The following TERT variants were observed in gnomAD, a reference collection of about 807,000 sequenced individuals.
The protein encoded by TERT is telomerase reverse transcriptase, also known as telomerase catalytic subunit.
A neutral mutation model predicts 104.0 loss-of-function variants in TERT; 42 were observed. That is an observed-to-expected ratio of 0.40 (90% CI 0.32 to 0.52). The LOEUF (loss-of-function observed/expected upper bound fraction) is 0.52. Among genes scored for constraint, TERT ranks in the 20% least tolerant of loss-of-function variants. TERT has a pLI of 0.43. For missense variants in TERT, 1,101 were observed against 1,610.3 expected, an observed-to-expected ratio of 0.68 and a Z score of 5.41; for synonymous variants, 781 against 725.6, an observed-to-expected ratio of 1.08 and a Z score of -1.23.
chr5:1,282,069 CAG>C (rs1240761289), intron 3 of TERT, among the ~76,000 whole-genome samples: 3 of 151,306 alleles, frequency 2.0e-5, no homozygotes, highest in Non-Finnish European at 4.4e-5. Flanking sequence ...GCCTGGGCAA[CAG>C]AGTGAGACTC....
intron 9 of TERT, among the ~76,000 whole-genome samples, chr5:1,267,666 G>A (rs976317733): frequency 1.3e-5 from 2 of 152,170 alleles, no homozygotes; most frequent in African/African-American, 4.8e-5. Context: ...AAAAAAGGAT[G>A]AGTTCATGTC....
chr5:1,277,087 C>T (rs1749650914), intron 6 of TERT, among the ~76,000 whole-genome samples: 1 of 152,222 alleles, frequency 6.6e-6, no homozygotes, highest in Admixed American at 6.5e-5. Context: ...CCGGGGCGGC[C>T]AGCACGGGAA....
At position 1,271,344 on chromosome 5, in the gene TERT, C is replaced by T. The variant is rs545946051; in HGVS notation, c.2383-140G>A. On this transcript the variant is annotated intron_variant, in intron 7 of 15. Transcript: ENST00000310581. Reference sequence around the variant, plus strand: ...GGGCTGGGCTGGAATGCAGGGCCATCGTGGGCTGGCCGGGCCGAGTCTCTG... The same window carrying T: ...GGGCTGGGCTGGAATGCAGGGCCATTGTGGGCTGGCCGGGCCGAGTCTCTG... 212 of 722,620 alleles carry T rather than the reference C, an allele frequency of 2.9e-4. No individual in the cohort carries two copies. In the Middle Eastern group the frequency reaches 6.7e-3, roughly 23 times the overall value. 44.8% of individuals were successfully genotyped at this position (722,620 alleles called of 1,614,324 possible). A position where few individuals can be genotyped will look rare whatever the true frequency, so the allele number is the denominator to read the frequency against.
At chr5:1,281,337 C>T (rs1305521688) in intron 3 of TERT, among the ~76,000 whole-genome samples, 2 of 152,188 alleles carry the variant, frequency 1.3e-5, no homozygotes, top group African/African-American at 2.4e-5. Flanking sequence ...TTACCTCTGA[C>T]GAGGTCTGCT....
rs144665904 is a variant in TERT, at chr5:1,262,337, G to A, written c.2844-1737C>T. ...CACGTTTCTGAGAGATAGGGCTTCC[G>A]TTTTGTTCTATTGTTCTGTCCATCA... is the stretch of plus-strand genomic sequence containing the variant. On this transcript the variant is annotated intron_variant, in intron 11 of 15. Transcript: ENST00000310581. The surrounding 1 kb of genome is among the most constrained non-coding windows in gnomAD (Gnocchi z 5.6). 4.6e-4 allele frequency among the ~76,000 whole-genome samples: 70 copies of A among 152,260 alleles called. No individual in the cohort carries two copies. Among genetic ancestry groups the A allele is most frequent in the African/African-American group, 1.6e-3 (67 of 41,550 alleles).
chr5:1,293,701 C>A lies in TERT; in HGVS notation c.1185G>T (p.Glu395Asp), dbSNP rs1579596881. The change falls in exon 2 of 16, where the codon GAG (glutamate) becomes GAT (aspartate). Residue 395 changes from glutamate (E) to aspartate (D), a missense_variant. Physicochemically the swap from Glu to Asp is conservative, Grantham distance 45. Coordinates refer to ENST00000310581, the MANE Select transcript of TERT (RefSeq NM_198253.3). ...RYWQMRPLFL[E>D]LLGNHAQCPY... is the part of the protein sequence containing the mutation. Reference sequence around the variant, plus strand: ...GGCACTGCGCGTGGTTCCCAAGCAGCTCCAGAAACAGGGGCCGCATTTGCC... The same window carrying A: ...GGCACTGCGCGTGGTTCCCAAGCAGATCCAGAAACAGGGGCCGCATTTGCC... 2 of 1,575,014 alleles carry A rather than the reference C, an allele frequency of 1.3e-6. No individual in the cohort carries two copies. Among genetic ancestry groups the A allele is most frequent in the Non-Finnish European group, 1.7e-6 (2 of 1,160,966 alleles).
In TERT at chr5:1,270,481, G is replaced by A. The variant is rs1187576402; in HGVS notation, c.2468+638C>T. Among the ~76,000 whole-genome samples, 7 of 152,296 alleles carry A rather than the reference G, an allele frequency of 4.6e-5. No individual in the cohort carries two copies. Among genetic ancestry groups the A allele is most frequent in the Admixed American group, 2.0e-4 (3 of 15,304 alleles). Reference sequence around the variant, plus strand: ...GTGTGGTTTTACTTAAAATCCAGAGGACGTGATGTGGCACCAGGCACTGTG... The same window carrying A: ...GTGTGGTTTTACTTAAAATCCAGAGAACGTGATGTGGCACCAGGCACTGTG... On this transcript the variant is annotated intron_variant, in intron 8 of 15. Coordinates refer to ENST00000310581, the MANE Select transcript of TERT (RefSeq NM_198253.3). This position sits in a 1 kb window ranked among gnomAD's most constrained non-coding sequence, Gnocchi z 8.3.
In TERT at chr5:1,282,620, A is replaced by G. The variant is rs1168123623; in HGVS notation, c.1578T>C (p.Val526=). 1.2e-6 allele frequency: 2 copies of G among 1,613,992 alleles called. No individual in the cohort carries two copies. Among genetic ancestry groups the G allele is most frequent in the Non-Finnish European group, 1.7e-6 (2 of 1,179,992 alleles). ...GGTGCTCTGCGGCCGGAACACAGCC[A>G]ACCCCTTAAACGAGAAGGACATGCC... The part of the protein sequence containing the change: ...DCAWLRRSPG[V]GCVPAAEHRL... The change falls in exon 3 of 16, where the codon GTT becomes GTC. Residue 526 remains valine, a synonymous_variant. Transcript: ENST00000310581.
At chr5:1,284,747 T>C (rs1381989813) in intron 2 of TERT, among the ~76,000 whole-genome samples, 64 of 82,140 alleles carry the variant, frequency 7.8e-4, no homozygotes, top group East Asian at 1.3e-3. Context: ...CAGGGCCTGG[T>C]GACCTCACAC....
At chr5:1,289,294 G>T (rs530118337) in intron 2 of TERT, among the ~76,000 whole-genome samples, 1 of 131,374 alleles carries the variant, frequency 7.6e-6, no homozygotes, top group Non-Finnish European at 1.6e-5. Context: ...ACCCAGGGAC[G>T]GCGCCTCACT....
At chr5:1,253,868 C>T in intron 15 of TERT, 37 bp from the exon 16 acceptor site, 2 of 1,580,012 alleles carry the variant, frequency 1.3e-6, no homozygotes, top group Non-Finnish European at 1.7e-6. Flanking sequence ...CCAGAAGAGG[C>T]CAGAGGTGGC....
chr5:1,254,745 C>T (rs900878730), intron 14 of TERT, among the ~76,000 whole-genome samples: 62 of 152,236 alleles, frequency 4.1e-4, no homozygotes, highest in African/African-American at 1.4e-3. Flanking sequence ...TTCGACATGG[C>T]TTGAATTTCA....
chr5:1,266,388 G>T, intron 10 of TERT, 76 bp downstream of exon 10: 1 of 1,274,348 alleles, frequency 7.8e-7, no homozygotes, highest in Non-Finnish European at 1.1e-6. Flanking sequence ...GCGGTGCCAG[G>T]GGCAGGACAC....
At position 1,265,123 on chromosome 5, in the gene TERT, A is replaced by T. The variant is rs1050818328; in HGVS notation, c.2655-531T>A. 6.6e-6 allele frequency among the ~76,000 whole-genome samples: 1 copy of T among 152,166 alleles called. No individual in the cohort carries two copies. Among genetic ancestry groups the T allele is most frequent in the Non-Finnish European group, 1.5e-5 (1 of 68,018 alleles). ...GCTGGGCTGTGAGCTGGGCAACACC[A>T]GTCGTCAGCTTCACGTCAAGGAGGT... On this transcript the variant is annotated intron_variant, in intron 10 of 15. Coordinates refer to ENST00000310581, the MANE Select transcript of TERT (RefSeq NM_198253.3). This position sits in a 1 kb window ranked among gnomAD's most constrained non-coding sequence, Gnocchi z 6.9.
intron 6 of TERT, among the ~76,000 whole-genome samples, chr5:1,277,188 G>A (rs1177761492): frequency 1.3e-5 from 2 of 152,166 alleles, no homozygotes; most frequent in East Asian, 1.9e-4. Flanking sequence ...CGGAGGCATC[G>A]CCCTCACAAG....
chr5:1,282,785 C>T, intron 2 of TERT, 161 bp from the exon 3 acceptor site: 1 of 710,774 alleles, frequency 1.4e-6, no homozygotes, highest in Non-Finnish European at 2.4e-6. Context: ...CCACCAAGGG[C>T]CTGGCGACCT....
chr5:1,272,435 G>A (rs1220088589), intron 6 of TERT, among the ~76,000 whole-genome samples, 155 bp from the exon 7 acceptor site: 3 of 150,448 alleles, frequency 2.0e-5, no homozygotes, highest in Non-Finnish European at 4.5e-5. Flanking sequence ...TTTGGGAAAC[G>A]GGGGCCGGGG....
chr5:1,260,720 G>T, intron 11 of TERT, 120 bp from the exon 12 acceptor site: 1 of 1,431,792 alleles, frequency 7.0e-7, no homozygotes, highest in Non-Finnish European at 9.6e-7. Flanking sequence ...CCTGGGGCAT[G>T]CGCTGCAGCC....
chr5:1,278,528 A>C, intron 6 of TERT, 113 bp downstream of exon 6: 2 of 1,459,232 alleles, frequency 1.4e-6, no homozygotes, highest in Non-Finnish European at 1.9e-6. Context: ...CAGATGTGTA[A>C]ATCATGGAAG....
Sources: gnomAD v4.1 joint callset for allele counts (sites outside exome capture counted in the v4.1 genomes callset) on GRCh38, gnomAD v4.1.1 for gene constraint, Gnocchi (gnomAD v3.1) non-coding constraint, MANE v1.5 for transcripts, NCBI Gene and HGNC (gene_info 2026-07-23, HGNC 2026-07-21) for gene names.